The following TRIM2 variants were observed in gnomAD, a reference collection of about 807,000 sequenced individuals.
TRIM2 encodes the protein tripartite motif containing 2.
A neutral mutation model predicts 75.2 loss-of-function variants in TRIM2; 20 were observed. That is an observed-to-expected ratio of 0.27 (90% CI 0.19 to 0.39). The LOEUF is 0.39. TRIM2 is among the 10% of genes least tolerant of loss of function. The pLI is 1.00. For synonymous variants in TRIM2, 373 were observed against 388.3 expected (o/e 0.96, Z 0.46); for missense variants, 660 against 990.8 (o/e 0.67, Z 4.48).
At chr4:153,177,283 A>G (rs1450219104) in intron 1 of TRIM2, among the ~76,000 whole-genome samples, 3 of 152,246 alleles carry the variant, frequency 2.0e-5, no homozygotes, top group Admixed American at 6.5e-5. Flanking sequence ...TGGCAAAAAT[A>G]TAGTCTCATG....
At chr4:153,172,235 C>T (rs137897438) in intron 1 of TRIM2, among the ~76,000 whole-genome samples, 7,084 of 151,928 alleles carry the variant, frequency 0.047, 230 homozygotes, top group Non-Finnish European at 0.074. Context: ...TCACCCAGGC[C>T]GGAGTGCAGT....
At chr4:153,219,821 T>A (rs1739471814) in intron 1 of TRIM2, among the ~76,000 whole-genome samples, 1 of 152,292 alleles carries the variant, frequency 6.6e-6, no homozygotes, top group East Asian at 1.9e-4. Flanking sequence ...TGAGCCGAGG[T>A]TGTGCCACTG....
chr4:153,228,659 A>G (rs947869506), intron 1 of TRIM2, among the ~76,000 whole-genome samples: 1 of 152,266 alleles, frequency 6.6e-6, no homozygotes, highest in Non-Finnish European at 1.5e-5. Context: ...TTATAAAAAC[A>G]ATGCTTTGTC....
rs1019606851 is a variant in TRIM2 at position 153,244,398 on chromosome 4, T to C, written c.31-25937T>C. 1.9e-4 allele frequency among the ~76,000 whole-genome samples: 15 copies of C among 79,542 alleles called. 1 individual carries two copies. Among genetic ancestry groups the C allele is most frequent in the African/African-American group, 1.2e-3 (14 of 11,848 alleles). The allele number at this position is 79,542 out of a possible 152,430, so 52.2% of individuals were successfully genotyped here. ...TTCTTCTTCTTCTTCTTCTTCTTCT[T>C]CTTCTTCTTCTTCTTCTTCTTCTTC... On this transcript the variant is annotated intron_variant, in intron 1 of 11. Transcript: ENST00000338700.
At chr4:153,194,018 C>T (rs1218595542) in intron 1 of TRIM2, among the ~76,000 whole-genome samples, 3 of 152,144 alleles carry the variant, frequency 2.0e-5, no homozygotes, top group South Asian at 2.1e-4. Flanking sequence ...CTGAATGAGG[C>T]GTCCACTGAT....
chr4:153,186,750 G>A (rs1560794749), intron 1 of TRIM2, among the ~76,000 whole-genome samples: 1 of 152,098 alleles, frequency 6.6e-6, no homozygotes. Context: ...ACCCTCACCT[G>A]ATACCTGTCT....
intron 1 of TRIM2, among the ~76,000 whole-genome samples, chr4:153,163,036 G>A (rs761777449): frequency 2.9e-4 from 44 of 152,064 alleles, no homozygotes; most frequent in South Asian, 2.5e-3. Flanking sequence ...AAGAATTTGT[G>A]GGAAAAAAAT....
chr4:153,276,052 T>G lies in TRIM2; in HGVS notation c.375T>G (p.Ala125=). The G allele has an allele frequency of 6.2e-7, 1 of 1,614,238 alleles. No individual in the cohort carries two copies. The highest frequency in any genetic ancestry group is 1.1e-5 in the South Asian group (1 of 91,086). The change falls in exon 3 of 12, where the codon GCT becomes GCG. Residue 125 remains alanine (A), a synonymous_variant. Coordinates refer to ENST00000338700, the MANE Select transcript of TRIM2 (RefSeq NM_015271.5). ...DVLQRTPGSN[A]EESSILETVT... ...TGCAGCGAACTCCAGGCAGCAACGC[T>G]GAGGAGTCTTCCATCCTGGAGACAG... is the stretch of plus-strand genomic sequence containing the variant.
intron 1 of TRIM2, among the ~76,000 whole-genome samples, chr4:153,259,748 A>AG (rs1447697028): frequency 6.6e-6 from 1 of 152,176 alleles, no homozygotes; most frequent in African/African-American, 2.4e-5. Context: ...GTTGGCTATT[A>AG]GGGTTTTCTG....
At chr4:153,326,979 C>CAAAAAAAA (rs10718802) in intron 10 of TRIM2, among the ~76,000 whole-genome samples, 5 of 98,946 alleles carry the variant, frequency 5.1e-5, no homozygotes, top group Non-Finnish European at 6.1e-5. Flanking sequence ...GACTCCATCT[C>CAAAAAAAA]AAAAAAAAAA....
At chr4:153,306,729 A>C (rs1765085240) in intron 6 of TRIM2, among the ~76,000 whole-genome samples, 1 of 152,226 alleles carries the variant, frequency 6.6e-6, no homozygotes, top group Admixed American at 6.5e-5. Context: ...GAGCCAGGCC[A>C]TACTGGCTTA....
At chr4:153,322,886 G>A in intron 9 of TRIM2, 70 bp downstream of exon 9, 2 of 1,578,776 alleles carry the variant, frequency 1.3e-6, no homozygotes, top group Admixed American at 1.7e-5. Context: ...TGATGTTGGA[G>A]CATGTTGAAG....
At chr4:153,328,751 A>G in intron 11 of TRIM2, 81 bp downstream of exon 11, 1 of 1,441,702 alleles carries the variant, frequency 6.9e-7, no homozygotes, top group Non-Finnish European at 9.2e-7. Context: ...CCAAACTGGA[A>G]TGTTTTCTCT....
At position 153,328,639 on chromosome 4, in the gene TRIM2, T is replaced by C. The variant is rs772742492; in HGVS notation, c.2132T>C (p.Ile711Thr). 1.5e-5 allele frequency: 24 copies of C among 1,612,198 alleles called. No individual in the cohort carries two copies. The highest frequency in any genetic ancestry group is 8.4e-5 in the Admixed American group (5 of 59,690). The change falls in exon 11 of 12, where the codon ATT (isoleucine) becomes ACT (threonine). Residue 711 changes from isoleucine (I) to threonine (T), a missense_variant. Physicochemically the swap from Ile to Thr is moderately conservative, Grantham distance 89. Around this residue, in one of 2 missense-constraint regions of TRIM2, gnomAD observed 40 missense variants for 99.8 expected, o/e 0.40. Transcript: ENST00000338700. ...GCAGTGGATTCAAATGGAAACATCA[T>C]TGTGGCCGACTGGGGAAACAGCAGG... ...GVAVDSNGNI[I>T]VADWGNSRIQ...
chr4:153,292,744 G>A (rs1762071341), intron 3 of TRIM2, among the ~76,000 whole-genome samples: 1 of 152,256 alleles, frequency 6.6e-6, no homozygotes, highest in African/African-American at 2.4e-5. Context: ...CCTTGGGGCA[G>A]TGGATACCCA....
chr4:153,184,216 A>G (rs899775248), intron 1 of TRIM2, among the ~76,000 whole-genome samples: 1 of 152,068 alleles, frequency 6.6e-6, no homozygotes, highest in Non-Finnish European at 1.5e-5. Context: ...ATTTTCTCAC[A>G]GTTTTGGAGG....
intron 1 of TRIM2, among the ~76,000 whole-genome samples, chr4:153,156,364 G>A (rs567258595): frequency 5.3e-5 from 8 of 152,152 alleles, no homozygotes; most frequent in Non-Finnish European, 1.0e-4. Flanking sequence ...ATAAAGGAAC[G>A]TTTCTAGTTC....
intron 1 of TRIM2, among the ~76,000 whole-genome samples, chr4:153,190,650 G>T (rs970356564): frequency 1.3e-5 from 2 of 152,184 alleles, no homozygotes; most frequent in African/African-American, 2.4e-5. Context: ...TCATTGGGAG[G>T]AATACTAGGG....
At chr4:153,164,608 C>T (rs922916415) in intron 1 of TRIM2, among the ~76,000 whole-genome samples, 11 of 152,204 alleles carry the variant, frequency 7.2e-5, no homozygotes, top group African/African-American at 1.9e-4. Flanking sequence ...CCCAGCCTCC[C>T]GAATTTTCTT....
Sources: gnomAD v4.1 joint callset for allele counts (sites outside exome capture counted in the v4.1 genomes callset) on GRCh38, gnomAD v4.1.1 for gene constraint, gnomAD v4.1.1 regional missense constraint, MANE v1.5 for transcripts, NCBI Gene and HGNC (gene_info 2026-07-23, HGNC 2026-07-21) for gene names.